ROCK1: variants seen among roughly 807,000 people sequenced by gnomAD.
ROCK1 encodes the protein rho-associated protein kinase 1.
In ROCK1, 36 loss-of-function variants were observed where a neutral mutation model predicts 196.8. That is an observed-to-expected ratio of 0.18 (90% CI 0.14 to 0.24). ROCK1 has a LOEUF of 0.24. ROCK1 is among the 10% of genes least tolerant of loss of function. ROCK1 has a pLI of 1.00. For synonymous variants in ROCK1, 443 were observed against 515.9 expected, an observed-to-expected ratio of 0.86 and a Z score of 1.91; for missense variants, 920 against 1,562.0, an observed-to-expected ratio of 0.59 and a Z score of 6.93.
chr18:20,997,922 C>T (rs1489444336), intron 16 of ROCK1, among the ~76,000 whole-genome samples: 5 of 151,508 alleles, frequency 3.3e-5, no homozygotes, highest in Admixed American at 2.0e-4. Flanking sequence ...CTGCAACTTC[C>T]GACTCCCGGG....
chr18:21,031,186 T>A (rs1251458262), intron 9 of ROCK1, among the ~76,000 whole-genome samples: 1 of 152,190 alleles, frequency 6.6e-6, no homozygotes. Flanking sequence ...TACAACACTG[T>A]AATATCCAAA....
chr18:20,991,592 T>C (rs998152742), intron 17 of ROCK1, among the ~76,000 whole-genome samples: 3 of 152,064 alleles, frequency 2.0e-5, no homozygotes, highest in Non-Finnish European at 4.4e-5. Context: ...ATAAGACAAA[T>C]TTTCAGTTTA....
At chr18:21,040,058 C>CA (rs949243516) in intron 8 of ROCK1, among the ~76,000 whole-genome samples, 5 of 151,804 alleles carry the variant, frequency 3.3e-5, no homozygotes, top group Non-Finnish European at 5.9e-5. Flanking sequence ...GACTCCGTCT[C>CA]AAAAAAAAGA....
chr18:21,006,834 TA>T, intron 14 of ROCK1, 44 bp from the exon 15 acceptor site: 5 of 1,260,294 alleles, frequency 4.0e-6, no homozygotes, highest in Non-Finnish European at 5.6e-6. Context: ...AACATTTTCA[TA>T]GGGGAAACAT....
At chr18:20,959,501 C>T (rs1342535008) in intron 29 of ROCK1, among the ~76,000 whole-genome samples, 2 of 150,792 alleles carry the variant, frequency 1.3e-5, no homozygotes, top group Non-Finnish European at 2.9e-5. Flanking sequence ...TGTGAGTCAC[C>T]GCACCCGGCC....
At chr18:21,004,834 T>C (rs2035755044) in intron 16 of ROCK1, among the ~76,000 whole-genome samples, 1 of 152,236 alleles carries the variant, frequency 6.6e-6, no homozygotes, top group Non-Finnish European at 1.5e-5. Flanking sequence ...AAGTGGTTAC[T>C]TTCTTAGTTA....
chr18:20,995,473 C>T (rs2035662924), intron 16 of ROCK1, among the ~76,000 whole-genome samples: 1 of 152,134 alleles, frequency 6.6e-6, no homozygotes, highest in Non-Finnish European at 1.5e-5. Context: ...GGGTACAGCA[C>T]CAAGCAGGCT....
chr18:21,042,244 T>G lies in ROCK1; in HGVS notation c.821-9A>C. ...ATAAAAAGGTGTATCACCTGAAAAATTGATAAAGAAAACAAAAGCAAAATG... is the reference window on the plus strand; with the variant it reads ...ATAAAAAGGTGTATCACCTGAAAAAGTGATAAAGAAAACAAAAGCAAAATG... On this transcript the variant is annotated splice_polypyrimidine_tract_variant and intron_variant, in intron 7 of 32. Coordinates refer to ENST00000399799, the MANE Select transcript of ROCK1 (RefSeq NM_005406.3). The G allele has an allele frequency of 6.4e-7, 1 of 1,554,152 alleles. No homozygotes were observed. The highest frequency in any genetic ancestry group is 1.4e-5 in the African/African-American group (1 of 71,636).
At chr18:21,068,988 A>C (rs1270096588) in intron 2 of ROCK1, among the ~76,000 whole-genome samples, 1 of 152,058 alleles carries the variant, frequency 6.6e-6, no homozygotes, top group African/African-American at 2.4e-5. Context: ...TAGAACTTCT[A>C]AGACAATGTT....
At chr18:21,052,970 G>C (rs1400849465) in intron 2 of ROCK1, among the ~76,000 whole-genome samples, 1 of 152,170 alleles carries the variant, frequency 6.6e-6, no homozygotes, top group Non-Finnish European at 1.5e-5. Context: ...GCTTTCCCAA[G>C]TCTGTAAGGG....
At chr18:21,031,929 G>C (rs1282164401) in intron 9 of ROCK1, among the ~76,000 whole-genome samples, 1 of 152,130 alleles carries the variant, frequency 6.6e-6, no homozygotes, top group African/African-American at 2.4e-5. Flanking sequence ...AAATTATCAA[G>C]TGTGAGGAAC....
chr18:21,070,321 T>TA (rs1321240885), intron 2 of ROCK1, among the ~76,000 whole-genome samples: 11 of 152,174 alleles, frequency 7.2e-5, no homozygotes, highest in Admixed American at 5.9e-4. Context: ...ATACTTATTT[T>TA]AACTATTTTT....
chr18:21,007,285 G>C (rs2035776578), intron 14 of ROCK1, among the ~76,000 whole-genome samples: 1 of 151,998 alleles, frequency 6.6e-6, no homozygotes, highest in South Asian at 2.1e-4. Context: ...AAGTACTCTT[G>C]TTTTAAACAC....
intron 1 of ROCK1, among the ~76,000 whole-genome samples, chr18:21,087,522 G>A (rs1358768483): frequency 1.3e-5 from 2 of 152,040 alleles, no homozygotes; most frequent in South Asian, 2.1e-4. Flanking sequence ...AAGTGGGTGT[G>A]GCTATATTAG....
At chr18:20,986,760 A>C (rs774343175) in intron 19 of ROCK1, among the ~76,000 whole-genome samples, 190 bp downstream of exon 19, 1 of 152,198 alleles carries the variant, frequency 6.6e-6, no homozygotes, top group Non-Finnish European at 1.5e-5. Context: ...ACACAGAGTG[A>C]ATGTTCAATA....
chr18:20,956,047 G>A (rs575062610), intron 29 of ROCK1, among the ~76,000 whole-genome samples: 1 of 152,258 alleles, frequency 6.6e-6, no homozygotes, highest in African/African-American at 2.4e-5. Flanking sequence ...CTATACACGT[G>A]AGAAAGGCAT....
intron 1 of ROCK1, among the ~76,000 whole-genome samples, chr18:21,087,022 A>T (rs954441293): frequency 6.6e-6 from 1 of 152,232 alleles, no homozygotes; most frequent in East Asian, 1.9e-4. Context: ...GATATTAAAC[A>T]TGAATATATT....
intron 10 of ROCK1, among the ~76,000 whole-genome samples, chr18:21,026,661 C>A (rs940012580): frequency 6.6e-6 from 1 of 151,982 alleles, no homozygotes; most frequent in African/African-American, 2.4e-5. Flanking sequence ...AAAAGCCGGA[C>A]TAAATTGTCT....
chr18:20,958,801 C>T (rs544530286), intron 29 of ROCK1, among the ~76,000 whole-genome samples: 116 of 143,152 alleles, frequency 8.1e-4, no homozygotes, highest in African/African-American at 1.7e-3. Flanking sequence ...AGTATAAATG[C>T]GATGTAAACA....
Sources: allele counts gnomAD v4.1 joint callset (sites outside exome capture counted in the v4.1 genomes callset), GRCh38; gene constraint gnomAD v4.1.1; transcripts MANE v1.5; gene names NCBI Gene and HGNC (gene_info 2026-07-23, HGNC 2026-07-21).